The following TMEM248 variants were observed in gnomAD, a reference collection of about 807,000 sequenced individuals.
TMEM248 encodes transmembrane protein 248.
A neutral mutation model predicts 30.3 loss-of-function variants in TMEM248; 9 were observed. The ratio of observed to expected loss-of-function variants is 0.30; its 90% CI spans 0.18 to 0.52. The LOEUF is 0.52. Ranked by LOEUF, TMEM248 falls within the 20% of genes least tolerant of loss-of-function variation. The probability of loss-of-function intolerance (pLI) is 0.97; values close to 1 mark genes in which losing one functional copy is unlikely to be tolerated. For missense variants in TMEM248, 338 were observed against 403.3 expected, an observed-to-expected ratio of 0.84 and a Z score of 1.39; for synonymous variants, 184 against 154.4, an observed-to-expected ratio of 1.19 and a Z score of -1.42.
chr7:66,939,220 T>C (rs909394753), intron 1 of TMEM248, among the ~76,000 whole-genome samples: 1 of 152,186 alleles, frequency 6.6e-6, no homozygotes, highest in Non-Finnish European at 1.5e-5. Context: ...GGTCTGACAA[T>C]ATCAGGTTGA....
intron 1 of TMEM248, among the ~76,000 whole-genome samples, chr7:66,928,635 C>G (rs1384048073): frequency 6.6e-6 from 1 of 152,186 alleles, no homozygotes; most frequent in African/African-American, 2.4e-5. Flanking sequence ...CTTCTCACTC[C>G]TTCGTCCTTG....
chr7:66,925,514 T>C (rs1311027045), intron 1 of TMEM248, among the ~76,000 whole-genome samples: 1 of 152,152 alleles, frequency 6.6e-6, no homozygotes, highest in African/African-American at 2.4e-5. Context: ...TGGAATCCTA[T>C]ATTGTGCTTC....
intron 1 of TMEM248, among the ~76,000 whole-genome samples, chr7:66,929,159 T>C (rs1163574294): frequency 6.6e-6 from 1 of 152,174 alleles, no homozygotes; most frequent in Non-Finnish European, 1.5e-5. Context: ...ATGCATGGGC[T>C]CTGGAGGCCA....
intron 1 of TMEM248, 105 bp from the exon 2 acceptor site, chr7:66,941,743 C>T: frequency 2.3e-6 from 2 of 853,788 alleles, no homozygotes; most frequent in Non-Finnish European, 1.8e-6. Flanking sequence ...GTAATGAGTG[C>T]CCATCCCACC....
intron 1 of TMEM248, among the ~76,000 whole-genome samples, chr7:66,922,810 A>T (rs546113540): frequency 9.2e-5 from 14 of 152,044 alleles, no homozygotes; most frequent in African/African-American, 2.4e-4. Flanking sequence ...GGTCCAAGCA[A>T]TCCTCCTGCC....
chr7:66,933,565 A>G (rs1180025398), intron 1 of TMEM248, among the ~76,000 whole-genome samples: 1 of 152,248 alleles, frequency 6.6e-6, no homozygotes, highest in African/African-American at 2.4e-5. Flanking sequence ...TGTATAGCCA[A>G]GTTGGTTTCC....
At position 66,921,274 on chromosome 7, in the gene TMEM248, C is replaced by T. The variant is rs1237529410; in HGVS notation, c.-206C>T. On this transcript the variant is annotated 5_prime_UTR_variant, in exon 1 of 7. Coordinates refer to ENST00000341567, the MANE Select transcript of TMEM248 (RefSeq NM_017994.5). ...CCCGAACTGAGGCGGCGGCGGGAGC[C>T]CGGTTGGCGTCTGGTCTTCGCGTCG... The T allele has an allele frequency of 6.6e-6, 1 of 151,140 alleles. No homozygotes were observed. The highest frequency in any genetic ancestry group is 6.6e-5 in the Admixed American group (1 of 15,222). The allele number at this position is 151,140 out of a possible 1,614,324, so 9.4% of individuals were successfully genotyped here. A position where few individuals can be genotyped will look rare whatever the true frequency, so the allele number is the denominator to read the frequency against.
In TMEM248 at chr7:66,948,552, G is replaced by A. The variant is rs1343922515; in HGVS notation, c.454G>A (p.Ala152Thr). 2 of 1,613,424 alleles carry A rather than the reference G, an allele frequency of 1.2e-6. No homozygotes were observed. The highest frequency in any genetic ancestry group is 2.2e-5 in the East Asian group (1 of 44,846). Residue 152 changes from alanine to threonine, a missense_variant, in exon 4 of 7, where the codon GCC becomes ACC. By Grantham distance (58) the Ala-to-Thr change is moderately conservative (BLOSUM62 0). Transcript: ENST00000341567. ...GHQIGLSGRE[A>T]HEEINITFTL... ...TGATTTCTCTTTCATAGGCAGGGAA[G>A]CCCACGAGGAGATAAACATCACCTT...
At position 66,953,335 on chromosome 7, in the gene TMEM248, T is replaced by C. The variant is rs1427561368; in HGVS notation, c.890T>C (p.Leu297Ser). ...GTTATCAAGGGCAGACCTAGCAAAT[T>C]GCGTCAGAGCAATCCTGAATTTTGT... The part of the protein sequence containing the change: ...YAVIKGRPSK[L>S]RQSNPEFCPE... The change falls in exon 6 of 7, where the codon TTG becomes TCG. Residue 297 changes from leucine (L) to serine (S), a missense_variant. Physicochemically the swap from Leu to Ser is moderately radical, Grantham distance 145. Coordinates refer to ENST00000341567, the MANE Select transcript of TMEM248 (RefSeq NM_017994.5). 2 of 1,614,172 alleles carry C rather than the reference T, an allele frequency of 1.2e-6. No individual in the cohort carries two copies. Among genetic ancestry groups the C allele is most frequent in the South Asian group, 1.1e-5 (1 of 91,084 alleles).
intron 5 of TMEM248, among the ~76,000 whole-genome samples, chr7:66,951,893 C>A (rs1018630431): frequency 6.6e-6 from 1 of 151,992 alleles, no homozygotes. Flanking sequence ...AACCCCTGGT[C>A]TCAAGCGATC....
In TMEM248 at chr7:66,951,082, A is replaced by G. The variant is rs1230784720; in HGVS notation, c.727A>G (p.Ile243Val). 2 of 1,609,202 alleles carry G rather than the reference A, an allele frequency of 1.2e-6. No homozygotes were observed. Among genetic ancestry groups the G allele is most frequent in the African/African-American group, 1.3e-5 (1 of 74,684 alleles). ...YNPFWCYKGA[I>V]GKVYHALNPK... ...TCCTTTCTGGTGTTATAAGGGGGCCATTGGAAAAGTCTATCATGCTTTAAA... is the reference window on the plus strand; with the variant it reads ...TCCTTTCTGGTGTTATAAGGGGGCCGTTGGAAAAGTCTATCATGCTTTAAA... Residue 243 changes from isoleucine (I) to valine (V), a missense_variant, in exon 5 of 7, where the codon ATT becomes GTT. Ile to Val is a conservative substitution (Grantham distance 29). Coordinates refer to ENST00000341567, the MANE Select transcript of TMEM248 (RefSeq NM_017994.5).
intron 3 of TMEM248, among the ~76,000 whole-genome samples, chr7:66,948,308 G>T (rs1562943959): frequency 6.6e-6 from 1 of 152,182 alleles, no homozygotes. Context: ...GTCTGGTTTG[G>T]CATCTCCAGG....
chr7:66,935,634 C>T (rs1791781372), intron 1 of TMEM248, among the ~76,000 whole-genome samples: 7 of 152,196 alleles, frequency 4.6e-5, no homozygotes. Context: ...CCTCTGCTTC[C>T]CAGGTTCAAG....
Position 66,954,350 on chromosome 7 carries a change from GT to G in TMEM248, c.924+989del, listed in dbSNP as rs923403985. ...TTTATTGTTGTATTCTTATGTATTG[GT>G]TTTTTTTCTTTTGAGTATTTTTGCT... On this transcript the variant is annotated intron_variant, in intron 6 of 6. Transcript: ENST00000341567. Among the ~76,000 whole-genome samples the G allele has an allele frequency of 5.6e-5, 8 of 143,976 alleles. No homozygotes were observed. The East Asian group carries it at 1.4e-3, about 26-fold the overall frequency. 94.5% of individuals were successfully genotyped at this position (143,976 alleles called of 152,430 possible). A position where few individuals can be genotyped will look rare whatever the true frequency, so the allele number is the denominator to read the frequency against.
intron 1 of TMEM248, among the ~76,000 whole-genome samples, chr7:66,922,735 C>T (rs1344400540): frequency 5.9e-5 from 9 of 152,114 alleles, no homozygotes; most frequent in Admixed American, 5.9e-4. Context: ...GACAGAGTCT[C>T]ACTCTTGTCG....
chr7:66,944,271 ATTAT>A (rs1413276607), intron 2 of TMEM248, among the ~76,000 whole-genome samples: 3 of 151,058 alleles, frequency 2.0e-5, no homozygotes, highest in Non-Finnish European at 4.4e-5. Flanking sequence ...CACCCGGCTA[ATTAT>A]TGTATTTTTA....
At chr7:66,928,618 A>G (rs1791584672) in intron 1 of TMEM248, among the ~76,000 whole-genome samples, 1 of 152,092 alleles carries the variant, frequency 6.6e-6, no homozygotes, top group South Asian at 2.1e-4. Flanking sequence ...GCTGTTAAGA[A>G]TGCTCTCTTC....
chr7:66,949,802 G>A (rs187766929), intron 4 of TMEM248, among the ~76,000 whole-genome samples: 9 of 149,336 alleles, frequency 6.0e-5, no homozygotes, highest in Non-Finnish European at 1.2e-4. Flanking sequence ...TTGCATTTTA[G>A]GTTTTTTTTG....
intron 1 of TMEM248, among the ~76,000 whole-genome samples, chr7:66,927,373 G>C (rs1791552288): frequency 6.6e-6 from 1 of 151,558 alleles, no homozygotes; most frequent in Non-Finnish European, 1.5e-5. Context: ...TGAGACTACT[G>C]ATGTTGCCTA....
Sources: allele counts gnomAD v4.1 joint callset (sites outside exome capture counted in the v4.1 genomes callset), GRCh38; gene constraint gnomAD v4.1.1; transcripts MANE v1.5; gene names NCBI Gene and HGNC (gene_info 2026-07-23, HGNC 2026-07-21).